Variants in MGAT5B observed in about 807,000 individuals in gnomAD.
MGAT5B encodes N-acetylglucosaminyl-transferase Vb.
In MGAT5B, 54 loss-of-function variants were observed where a neutral mutation model predicts 95.1. The ratio of observed to expected loss-of-function variants is 0.57; its 90% CI spans 0.46 to 0.71. MGAT5B has a LOEUF of 0.71. MGAT5B is among the 30% of genes least tolerant of loss of function. MGAT5B has a pLI of 0.00. For missense variants in MGAT5B, 935 were observed against 1,088.6 expected (o/e 0.86, Z 1.99); for synonymous variants, 464 against 451.0 (o/e 1.03, Z -0.36).
chr17:76,949,141 G>C lies in MGAT5B; in HGVS notation c.*303G>C, dbSNP rs1599018330. Reference sequence around the variant, plus strand: ...CATGGCCCAGGAGCAGGTGGTCGGAGGCCCCTGGCTTTGTGCAAGGCCGGA... The same window carrying C: ...CATGGCCCAGGAGCAGGTGGTCGGACGCCCCTGGCTTTGTGCAAGGCCGGA... On this transcript the variant is annotated 3_prime_UTR_variant, in exon 18 of 18. Transcript: ENST00000569840. 2 of 399,592 alleles carry C rather than the reference G, an allele frequency of 5.0e-6. No homozygotes were observed. Among genetic ancestry groups the C allele is most frequent in the East Asian group, 9.1e-5 (2 of 22,086 alleles). The allele number at this position is 399,592 out of a possible 1,614,324, so 24.8% of individuals were successfully genotyped here. A position where few individuals can be genotyped will look rare whatever the true frequency, so the allele number is the denominator to read the frequency against.
intron 2 of MGAT5B, among the ~76,000 whole-genome samples, chr17:76,876,311 A>G (rs1020130538): frequency 5.9e-5 from 9 of 152,068 alleles, no homozygotes; most frequent in African/African-American, 1.7e-4. Context: ...GCTTGGCTGA[A>G]TCAGGCCTGG....
intron 3 of MGAT5B, among the ~76,000 whole-genome samples, chr17:76,899,698 G>GT (rs1968235481): frequency 6.6e-6 from 1 of 152,050 alleles, no homozygotes. Flanking sequence ...TGTCAAAGGA[G>GT]TGTCCATCTT....
intron 3 of MGAT5B, among the ~76,000 whole-genome samples, chr17:76,887,453 T>TCCTCCCTCCCTCCCTCCCTTCCTC: frequency 2.2e-5 from 1 of 44,590 alleles, no homozygotes; most frequent in Non-Finnish European, 4.4e-5. Context: ...CTCCCTTCCT[T>TCCTCCCTCCCTCCCTCCCTTCCTC]CCTCCCTCCC....
At chr17:76,925,134 A>G (rs764417089) in intron 9 of MGAT5B, 37 bp downstream of exon 9, 1 of 1,608,422 alleles carries the variant, frequency 6.2e-7, no homozygotes, top group Non-Finnish European at 8.5e-7. Context: ...CGTGGCCCAC[A>G]TGCCAGGGGA....
At position 76,916,027 on chromosome 17, in the gene MGAT5B, G is replaced by A. The variant is rs2145217558; in HGVS notation, c.1026-8939G>A. On this transcript the variant is annotated intron_variant, in intron 8 of 17. Transcript: ENST00000569840. The surrounding 1 kb of genome is among the most constrained non-coding windows in gnomAD (Gnocchi z 5.3). Reference sequence around the variant, plus strand: ...GGGAGCAGGCGCCGGCATGCCGAGTGTGGCGGGGTCACGTTGAGTGCCGCC... The same window carrying A: ...GGGAGCAGGCGCCGGCATGCCGAGTATGGCGGGGTCACGTTGAGTGCCGCC... Among the ~76,000 whole-genome samples the A allele has an allele frequency of 6.6e-6, 1 of 152,368 alleles. No homozygotes were observed. Among genetic ancestry groups the A allele is most frequent in the African/African-American group, 2.4e-5 (1 of 41,598 alleles).
intron 13 of MGAT5B, among the ~76,000 whole-genome samples, chr17:76,939,382 C>T (rs919781802): frequency 3.3e-5 from 5 of 151,690 alleles, no homozygotes; most frequent in Non-Finnish European, 5.9e-5. Flanking sequence ...GGTGTGGTGG[C>T]GGGCGCCTGT....
At chr17:76,941,770 G>T (rs1472908147) in intron 15 of MGAT5B, among the ~76,000 whole-genome samples, 1 of 152,232 alleles carries the variant, frequency 6.6e-6, no homozygotes, top group Non-Finnish European at 1.5e-5. Context: ...TATTTGGGAG[G>T]CAACCCCAGG....
chr17:76,940,876 C>T lies in MGAT5B; in HGVS notation c.1848+28C>T, dbSNP rs1264031086. 24 of 1,546,378 alleles carry T rather than the reference C, an allele frequency of 1.6e-5. No homozygotes were observed. The highest frequency in any genetic ancestry group is 2.7e-5 in the African/African-American group (2 of 73,550). On this transcript the variant is annotated intron_variant, in intron 15 of 17. Coordinates refer to ENST00000569840, the MANE Select transcript of MGAT5B (RefSeq NM_001199172.2). The surrounding 1 kb of genome is among the most constrained non-coding windows in gnomAD (Gnocchi z 4.3). ...GAGAGCAGCCACATACAGTTGAGAC[C>T]CCCCACTAGTCCACACTGCTGGTCT...
chr17:76,908,852 G>C (rs1968630388), intron 8 of MGAT5B, among the ~76,000 whole-genome samples: 1 of 151,128 alleles, frequency 6.6e-6, no homozygotes, highest in Admixed American at 6.6e-5. Flanking sequence ...TGTCACCCAG[G>C]CTGGAGTGCA....
intron 4 of MGAT5B, 36 bp downstream of exon 4, chr17:76,902,706 A>AG: frequency 2.2e-6 from 2 of 893,046 alleles, no homozygotes; most frequent in Admixed American, 2.2e-5. Context: ...CTCTACCCCT[A>AG]GGGGGCCAAT....
At chr17:76,884,001 C>T (rs377226646) in intron 3 of MGAT5B, among the ~76,000 whole-genome samples, 1 of 152,160 alleles carries the variant, frequency 6.6e-6, no homozygotes, top group Non-Finnish European at 1.5e-5. Flanking sequence ...CTGGCCTTGC[C>T]GATTGAGTGA....
rs750525747 is a variant in MGAT5B at position 76,925,105 on chromosome 17, G to A, written c.1157+8G>A. The A allele has an allele frequency of 2.4e-5, 39 of 1,610,412 alleles. No homozygotes were observed. In the Admixed American group the frequency reaches 3.0e-4, roughly 12 times the overall value. ...CTCCTTCAAGAAGTACCGGTGAGAG[G>A]GCGGCCAGAGGGTGGGCACGTGGCC... On this transcript the variant is annotated splice_region_variant and intron_variant, in intron 9 of 17. Transcript: ENST00000569840.
Position 76,947,692 on chromosome 17 carries a change from G to A in MGAT5B, c.1924-138G>A, listed in dbSNP as rs369515574. On this transcript the variant is annotated intron_variant, in intron 16 of 17. Transcript: ENST00000569840. Reference sequence around the variant, plus strand: ...GTCCATGAGAAGTAAATGAAATAATGCAGGTAAAGCTACCTGGTATTCAGT... The same window carrying A: ...GTCCATGAGAAGTAAATGAAATAATACAGGTAAAGCTACCTGGTATTCAGT... The A allele has an allele frequency of 7.5e-6, 10 of 1,327,914 alleles. No individual in the cohort carries two copies. In the African/African-American group the frequency reaches 1.2e-4, roughly 16 times the overall value. The allele number at this position is 1,327,914 out of a possible 1,614,324, so 82.3% of individuals were successfully genotyped here. A position where few individuals can be genotyped will look rare whatever the true frequency, so the allele number is the denominator to read the frequency against.
chr17:76,893,412 AC>A (rs1255263333), intron 3 of MGAT5B, among the ~76,000 whole-genome samples: 1 of 152,164 alleles, frequency 6.6e-6, no homozygotes, highest in Non-Finnish European at 1.5e-5. Context: ...CCAGATCTTC[AC>A]TGTTCATGTT....
Position 76,902,690 on chromosome 17 carries a change from G to T in MGAT5B, c.445+20G>T. ...GCAAGGGTGGGTGCCAGGGGGCGGG[G>T]GTACCCTCTACCCCTAGGGGGCCAA... On this transcript the variant is annotated intron_variant, in intron 4 of 17. Coordinates refer to ENST00000569840, the MANE Select transcript of MGAT5B (RefSeq NM_001199172.2). 1 of 1,544,518 alleles carries T rather than the reference G, an allele frequency of 6.5e-7. No homozygotes were observed. Among genetic ancestry groups the T allele is most frequent in the South Asian group, 1.2e-5 (1 of 84,444 alleles).
At chr17:76,941,112 G>A (rs1233161640) in intron 15 of MGAT5B, among the ~76,000 whole-genome samples, 1 of 152,238 alleles carries the variant, frequency 6.6e-6, no homozygotes, top group African/African-American at 2.4e-5. Flanking sequence ...ACCTTACATG[G>A]CAGCCCTGGA....
Position 76,870,261 on chromosome 17 carries a change from G to A in MGAT5B, c.68+1164G>A, listed in dbSNP as rs1966959899. ...CACCGGGCCTGTCTGCTGGGCCGAG[G>A]AGGCAACCCCAGGGGACGGCAGGGG... On this transcript the variant is annotated intron_variant, in intron 1 of 17. Transcript: ENST00000569840. The surrounding 1 kb of genome is among the most constrained non-coding windows in gnomAD (Gnocchi z 5.0). Among the ~76,000 whole-genome samples the A allele has an allele frequency of 6.6e-6, 1 of 152,194 alleles. No homozygotes were observed.
In MGAT5B at chr17:76,947,927, G is replaced by C. The variant is rs541634415; in HGVS notation, c.2021G>C (p.Arg674Pro). Residue 674 changes from arginine to proline, a missense_variant, in exon 17 of 18, where the codon CGG becomes CCG. By Grantham distance (103) the Arg-to-Pro change is moderately radical (BLOSUM62 -2). Coordinates refer to ENST00000569840, the MANE Select transcript of MGAT5B (RefSeq NM_001199172.2). ...APNATHLEWA[R>P]NTSLAPGAWP... ...AATGCCACCCACCTCGAGTGGGCTC[G>C]GAACACCAGCTTGGCTCCTGGGGCC... 1.2e-6 allele frequency: 2 copies of C among 1,613,070 alleles called. No individual in the cohort carries two copies. Among genetic ancestry groups the C allele is most frequent in the East Asian group, 2.2e-5 (1 of 44,852 alleles).
In MGAT5B at chr17:76,916,161, T is replaced by C. The variant is rs12938795; in HGVS notation, c.1026-8805T>C. Reference sequence around the variant, plus strand: ...TTCCTTGCAAGGCCTCGTCTCCCCTTATGCTCCACATAGCTGCACTGCCCT... The same window carrying C: ...TTCCTTGCAAGGCCTCGTCTCCCCTCATGCTCCACATAGCTGCACTGCCCT... On this transcript the variant is annotated intron_variant, in intron 8 of 17. Coordinates refer to ENST00000569840, the MANE Select transcript of MGAT5B (RefSeq NM_001199172.2). The surrounding 1 kb of genome is among the most constrained non-coding windows in gnomAD (Gnocchi z 5.3). Among the ~76,000 whole-genome samples, 17,178 of 147,256 alleles carry C rather than the reference T, an allele frequency of 0.12. 1,452 individuals carry two copies. The highest frequency in any genetic ancestry group is 0.26 in the African/African-American group (9,855 of 37,480).
Sources: allele counts gnomAD v4.1 joint callset (sites outside exome capture counted in the v4.1 genomes callset), GRCh38; gene constraint gnomAD v4.1.1; non-coding constraint Gnocchi (gnomAD v3.1); transcripts MANE v1.5; gene names NCBI Gene and HGNC (gene_info 2026-07-23, HGNC 2026-07-21).